Variants in RPAP2 observed in about 807,000 individuals in gnomAD.
RPAP2 encodes the protein RNA polymerase II associated protein 2.
Under a neutral mutation model 73.1 loss-of-function variants are expected in RPAP2, and 52 were observed. The ratio of observed to expected loss-of-function variants is 0.71; its 90% CI spans 0.57 to 0.90. The LOEUF is 0.90. Among genes scored for constraint, RPAP2 ranks in the 40% least tolerant of loss-of-function variants. The pLI, the probability that RPAP2 is intolerant of heterozygous loss-of-function variation, is 0.00. For synonymous variants in RPAP2, 225 were observed against 242.1 expected, an observed-to-expected ratio of 0.93 and a Z score of 0.65; for missense variants, 598 against 701.8, an observed-to-expected ratio of 0.85 and a Z score of 1.67.
chr1:92,350,855 C>A (rs1052666029), intron 11 of RPAP2, among the ~76,000 whole-genome samples: 8 of 152,008 alleles, frequency 5.3e-5, no homozygotes, highest in Non-Finnish European at 1.0e-4. Flanking sequence ...TCACTTGAAC[C>A]CAGGAGGCAA....
Position 92,387,025 on chromosome 1 carries a change from G to T in RPAP2, c.*14G>T. On this transcript the variant is annotated 3_prime_UTR_variant, in exon 13 of 13. Transcript: ENST00000610020. Reference sequence around the variant, plus strand: ...TTGCTTCACAGATATATTCCATGAAGACAAAATAGAAGATGAACTTCTATT... The same window carrying T: ...TTGCTTCACAGATATATTCCATGAATACAAAATAGAAGATGAACTTCTATT... 1 of 1,586,854 alleles carries T rather than the reference G, an allele frequency of 6.3e-7. No individual in the cohort carries two copies. The highest frequency in any genetic ancestry group is 8.6e-7 in the Non-Finnish European group (1 of 1,161,728).
chr1:92,308,859 C>G (rs1651401779), intron 6 of RPAP2, among the ~76,000 whole-genome samples: 1 of 152,100 alleles, frequency 6.6e-6, no homozygotes, highest in Non-Finnish European at 1.5e-5. Context: ...ACTCAGGAGG[C>G]TGAGGCAGGA....
chr1:92,363,915 C>G (rs553207348), intron 11 of RPAP2: 36 of 165,034 alleles, frequency 2.2e-4, no homozygotes, highest in South Asian at 4.3e-4. Context: ...TGTTAATCGA[C>G]TGCTTATGTT....
intron 10 of RPAP2, among the ~76,000 whole-genome samples, chr1:92,339,933 A>G (rs1653509754): frequency 6.6e-6 from 1 of 152,204 alleles, no homozygotes; most frequent in South Asian, 2.1e-4. Flanking sequence ...AATTATCTAG[A>G]TTAGCAGTAG....
At chr1:92,362,306 A>C (rs1400986958) in intron 11 of RPAP2, among the ~76,000 whole-genome samples, 1 of 152,168 alleles carries the variant, frequency 6.6e-6, no homozygotes, top group Non-Finnish European at 1.5e-5. Flanking sequence ...TCTCATTCTG[A>C]TAATTCCAGT....
intron 11 of RPAP2, among the ~76,000 whole-genome samples, chr1:92,373,757 A>T (rs965353978): frequency 2.5e-4 from 37 of 146,586 alleles, no homozygotes; most frequent in Non-Finnish European, 4.7e-4. Context: ...AAAAAAAAAA[A>T]AAAAAAAAAA....
chr1:92,375,993 C>CT (rs1458202257), intron 11 of RPAP2, among the ~76,000 whole-genome samples: 1 of 136,878 alleles, frequency 7.3e-6, no homozygotes, highest in East Asian at 2.1e-4. Flanking sequence ...GAGTGAGACT[C>CT]TGTCTCAAAA....
rs777005950 is a variant in RPAP2 at position 92,397,584 on chromosome 1, T to TG, written c.*10576dup. On this transcript the variant is annotated 3_prime_UTR_variant, in exon 13 of 13. Transcript: ENST00000610020. ...CAAGTCACCACAGGGCCAGCTGCTT[T>TG]GGGAGGGTGCTGCATCTGCCTCCCA... The TG allele has an allele frequency of 2.6e-5, 4 of 152,158 alleles. No homozygotes were observed. Among genetic ancestry groups the TG allele is most frequent in the Non-Finnish European group, 4.4e-5 (3 of 68,068 alleles). 9.4% of individuals were successfully genotyped at this position (152,158 alleles called of 1,614,324 possible).
intron 6 of RPAP2, among the ~76,000 whole-genome samples, chr1:92,315,238 G>T (rs758410540): frequency 6.6e-5 from 10 of 152,190 alleles, no homozygotes; most frequent in Non-Finnish European, 1.3e-4. Flanking sequence ...AGAAGAGGAA[G>T]CGAGATGGGT....
intron 11 of RPAP2, among the ~76,000 whole-genome samples, chr1:92,354,421 C>A (rs184183624): frequency 2.0e-5 from 3 of 152,314 alleles, no homozygotes; most frequent in South Asian, 2.1e-4. Flanking sequence ...TTCTATAGAT[C>A]TGTCACAAAC....
chr1:92,321,302 T>C (rs1652243570), intron 7 of RPAP2, among the ~76,000 whole-genome samples: 1 of 152,188 alleles, frequency 6.6e-6, no homozygotes, highest in African/African-American at 2.4e-5. Flanking sequence ...GTTAAATTGT[T>C]CTAATTTTTT....
At chr1:92,334,112 G>T (rs779623541) in intron 9 of RPAP2, among the ~76,000 whole-genome samples, 3 of 152,054 alleles carry the variant, frequency 2.0e-5, no homozygotes, top group Non-Finnish European at 4.4e-5. Flanking sequence ...TCTTATTTTA[G>T]CAGAAAACAT....
intron 6 of RPAP2, among the ~76,000 whole-genome samples, chr1:92,311,712 C>G (rs1651603559): frequency 6.6e-6 from 1 of 152,176 alleles, no homozygotes. Flanking sequence ...TGGTTCCAGA[C>G]CACCACTATA....
intron 3 of RPAP2, 69 bp from the exon 4 acceptor site, chr1:92,303,908 G>A: frequency 9.8e-7 from 1 of 1,024,434 alleles, no homozygotes; most frequent in Non-Finnish European, 1.5e-6. Flanking sequence ...AGATTGATGA[G>A]GCTTAGAGAG....
intron 3 of RPAP2, among the ~76,000 whole-genome samples, chr1:92,302,863 G>C (rs933463834): frequency 1.3e-5 from 2 of 151,764 alleles, no homozygotes; most frequent in African/African-American, 4.8e-5. Context: ...GCCTCCCAAA[G>C]TGCTGGGATT....
At chr1:92,305,884 G>T (rs990857843) in intron 5 of RPAP2, among the ~76,000 whole-genome samples, 19 of 152,176 alleles carry the variant, frequency 1.2e-4, no homozygotes, top group African/African-American at 4.1e-4. Context: ...CTTGGCATTT[G>T]TCTGGTGAAG....
At chr1:92,380,435 A>T (rs1219493962) in intron 11 of RPAP2, among the ~76,000 whole-genome samples, 1 of 152,208 alleles carries the variant, frequency 6.6e-6, no homozygotes, top group East Asian at 1.9e-4. Context: ...TCCCAAATGG[A>T]AAGAGTTCAT....
At chr1:92,353,804 T>C (rs890088819) in intron 11 of RPAP2, among the ~76,000 whole-genome samples, 1 of 152,196 alleles carries the variant, frequency 6.6e-6, no homozygotes, top group African/African-American at 2.4e-5. Flanking sequence ...AACATATCTT[T>C]AAATTGAAAT....
chr1:92,376,638 C>T (rs985860910), intron 11 of RPAP2, among the ~76,000 whole-genome samples: 1 of 152,192 alleles, frequency 6.6e-6, no homozygotes, highest in African/African-American at 2.4e-5. Context: ...TTCTGCCTCC[C>T]AACTACTTGC....
Sources: allele counts gnomAD v4.1 joint callset (sites outside exome capture counted in the v4.1 genomes callset), GRCh38; gene constraint gnomAD v4.1.1; transcripts MANE v1.5; gene names NCBI Gene and HGNC (gene_info 2026-07-23, HGNC 2026-07-21).